Variants in C4orf50 observed in about 807,000 individuals in gnomAD.
C4orf50 encodes chromosome 4 open reading frame 50.
A neutral mutation model predicts 77.2 loss-of-function variants in C4orf50; 80 were observed. The ratio of observed to expected loss-of-function variants is 1.04; its 90% CI spans 0.87 to 1.25. The LOEUF (loss-of-function observed/expected upper bound fraction) is 1.25. C4orf50 is among the 50% of genes most tolerant of loss of function. The pLI, the probability that C4orf50 is intolerant of heterozygous loss-of-function variation, is 0.00. For missense variants in C4orf50, 1,257 were observed against 1,152.9 expected, an observed-to-expected ratio of 1.09 and a Z score of -1.31; for synonymous variants, 532 against 465.3, an observed-to-expected ratio of 1.14 and a Z score of -1.84.
chr4:5,979,586 C>T (rs1386771684), intron 29 of C4orf50, among the ~76,000 whole-genome samples: 2 of 152,192 alleles, frequency 1.3e-5, no homozygotes. Context: ...TTAAGATTTG[C>T]AGACAGTTGT....
At chr4:5,987,182 G>A (rs1255906350) in intron 28 of C4orf50, among the ~76,000 whole-genome samples, 1 of 151,882 alleles carries the variant, frequency 6.6e-6, no homozygotes, top group African/African-American at 2.4e-5. Flanking sequence ...AGGCCTAGGT[G>A]GGCAGATCGC....
chr4:5,999,210 G>T (rs1429367232), intron 25 of C4orf50, among the ~76,000 whole-genome samples: 2 of 152,178 alleles, frequency 1.3e-5, no homozygotes, highest in Non-Finnish European at 2.9e-5. Context: ...GGCTCCCAGA[G>T]CACATCAGAC....
exon 31 of C4orf50, chr4:5,973,659 C>T (rs1249635016): frequency 1.1e-5 from 17 of 1,610,274 alleles, no homozygotes; most frequent in African/African-American, 2.7e-5. Flanking sequence ...GGGACTCTAC[C>T]TCTGGGACTC....
exon 28 of C4orf50, chr4:5,989,751 C>T (rs761779505): frequency 2.6e-6 from 4 of 1,533,556 alleles, no homozygotes; most frequent in South Asian, 2.4e-5. Flanking sequence ...GCAAACCTGT[C>T]TCTCCTGCAA....
At chr4:5,936,821 C>A (rs1289733827) in intron 7 of C4orf50, among the ~76,000 whole-genome samples, 1 of 151,722 alleles carries the variant, frequency 6.6e-6, no homozygotes, top group African/African-American at 2.4e-5. Context: ...TGTCTTATAG[C>A]AGAACTCCAG....
intron 7 of C4orf50, among the ~76,000 whole-genome samples, chr4:5,918,765 C>T (rs1359626412): frequency 1.3e-5 from 2 of 152,170 alleles, no homozygotes; most frequent in Non-Finnish European, 2.9e-5. Flanking sequence ...GCAAATGGGC[C>T]CCACTGCAGG....
At chr4:6,004,140 G>T (rs1181537886) in intron 25 of C4orf50, among the ~76,000 whole-genome samples, 2 of 85,240 alleles carry the variant, frequency 2.3e-5, no homozygotes, top group South Asian at 3.9e-4. Context: ...GATGGTGATG[G>T]TGATGATGGT....
intron 7 of C4orf50, among the ~76,000 whole-genome samples, chr4:5,927,042 G>A (rs1253010490): frequency 6.6e-6 from 1 of 152,152 alleles, no homozygotes; most frequent in Non-Finnish European, 1.5e-5. Context: ...CTGCTTTTAC[G>A]ATGCCCACTG....
intron 7 of C4orf50, among the ~76,000 whole-genome samples, chr4:5,915,677 A>G (rs1027269836): frequency 2.6e-5 from 4 of 152,192 alleles, no homozygotes; most frequent in African/African-American, 9.7e-5. Flanking sequence ...AGCATCACCA[A>G]GGTACCAAAC....
exon 28 of C4orf50, chr4:5,989,385 G>A (rs898252982): frequency 2.2e-5 from 34 of 1,535,910 alleles, no homozygotes; most frequent in Non-Finnish European, 2.8e-5. Context: ...CTTCGCTGGT[G>A]CCCAGGGCCG....
At position 5,919,915 on chromosome 4, in the gene C4orf50, C is replaced by T. The variant is rs1717189434; in HGVS notation, c.*2475-21727G>A. 3.9e-5 allele frequency among the ~76,000 whole-genome samples: 6 copies of T among 152,216 alleles called. No homozygotes were observed. The highest frequency in any genetic ancestry group is 3.9e-4 in the Admixed American group (6 of 15,284). ...TTCAACCAACCAGGGATTGAAAATA[C>T]TCAAAGAAAACTTAGTCTGTGTTCA... On this transcript the variant is annotated intron_variant, in intron 7 of 7. Transcript: ENST00000324058. The surrounding 1 kb of genome is among the most constrained non-coding windows in gnomAD (Gnocchi z 6.5).
At chr4:5,940,645 T>G (rs574794362) in intron 7 of C4orf50, among the ~76,000 whole-genome samples, 1 of 152,180 alleles carries the variant, frequency 6.6e-6, no homozygotes, top group Non-Finnish European at 1.5e-5. Context: ...GCACATTCAT[T>G]TGTAATGTGA....
intron 24 of C4orf50, among the ~76,000 whole-genome samples, chr4:6,010,558 G>T (rs1722451602): frequency 6.6e-6 from 1 of 152,228 alleles, no homozygotes; most frequent in Non-Finnish European, 1.5e-5. Flanking sequence ...CACGTGCGAT[G>T]TGCTTGCATA....
intron 7 of C4orf50, among the ~76,000 whole-genome samples, chr4:5,942,234 A>G (rs891088881): frequency 2.0e-5 from 3 of 152,212 alleles, no homozygotes; most frequent in Admixed American, 2.0e-4. Flanking sequence ...ACAAATCAAT[A>G]GCAGCATCCA....
At chr4:5,991,209 C>A (rs1346172011) in intron 27 of C4orf50, among the ~76,000 whole-genome samples, 1 of 152,212 alleles carries the variant, frequency 6.6e-6, no homozygotes, top group Admixed American at 6.5e-5. Context: ...TCTAACTCCC[C>A]CTATAGCCCT....
chr4:6,002,933 G>A (rs750529451), intron 25 of C4orf50, among the ~76,000 whole-genome samples: 16 of 152,206 alleles, frequency 1.1e-4, no homozygotes, highest in African/African-American at 2.7e-4. Context: ...TGGCCATGTC[G>A]CTTGAGGATT....
At chr4:5,903,734 C>G (rs1204640864) in intron 7 of C4orf50, 1 of 152,148 alleles carries the variant, frequency 6.6e-6, no homozygotes, top group African/African-American at 2.4e-5. Context: ...ATGGTTGCAC[C>G]ACAATGTGAA....
chr4:5,985,431 C>T (rs1018701387), intron 28 of C4orf50, among the ~76,000 whole-genome samples: 3 of 150,970 alleles, frequency 2.0e-5, no homozygotes, highest in African/African-American at 7.3e-5. Context: ...TGAAGTTAAA[C>T]TATTGAAAAA....
At chr4:6,004,381 A>T (rs1392604451) in intron 25 of C4orf50, among the ~76,000 whole-genome samples, 1 of 113,318 alleles carries the variant, frequency 8.8e-6, no homozygotes, top group Non-Finnish European at 1.8e-5. Flanking sequence ...GATGGTGATG[A>T]TGGTGATGGT....
Sources: gnomAD v4.1 joint callset for allele counts (sites outside exome capture counted in the v4.1 genomes callset) on GRCh38, gnomAD v4.1.1 for gene constraint, Gnocchi (gnomAD v3.1) non-coding constraint, MANE v1.5 for transcripts, NCBI Gene and HGNC (gene_info 2026-07-23, HGNC 2026-07-21) for gene names.